Variants in ING5 observed in about 807,000 individuals in gnomAD.
ING5 encodes the protein inhibitor of growth family member 5.
A neutral mutation model predicts 37.4 loss-of-function variants in ING5; 17 were observed. That is an observed-to-expected ratio of 0.45 (90% CI 0.31 to 0.68). The LOEUF (loss-of-function observed/expected upper bound fraction) is 0.68, where lower values mean the gene tolerates loss of function less well. Ranked by LOEUF, ING5 falls within the 30% of genes least tolerant of loss-of-function variation. The pLI is 0.05. For synonymous variants in ING5, 123 were observed against 116.6 expected, an observed-to-expected ratio of 1.06 and a Z score of -0.36; for missense variants, 233 against 311.9, an observed-to-expected ratio of 0.75 and a Z score of 1.91.
At chr2:241,719,511 C>T in intron 5 of ING5, 5 of 1,528,618 alleles carry the variant, frequency 3.3e-6, no homozygotes, top group Non-Finnish European at 4.4e-6. Flanking sequence ...TCTTCCTGCT[C>T]CTTCCTGCTC....
At position 241,725,083 on chromosome 2, in the gene ING5, G is replaced by A. The variant is rs767978279; in HGVS notation, c.*52G>A. 75 of 1,577,922 alleles carry A rather than the reference G, an allele frequency of 4.8e-5. No individual in the cohort carries two copies. The highest frequency in any genetic ancestry group is 1.7e-5 in the Admixed American group (1 of 59,940). On this transcript the variant is annotated 3_prime_UTR_variant, in exon 8 of 8. Coordinates refer to ENST00000313552, the MANE Select transcript of ING5 (RefSeq NM_032329.6). ...AGCAAGTTAATCTGTCCCTTCATTCGTGTCGCAATATTTCCCTTCCTTTTA... is the reference window on the plus strand; with the variant it reads ...AGCAAGTTAATCTGTCCCTTCATTCATGTCGCAATATTTCCCTTCCTTTTA...
chr2:241,722,489 G>T, intron 5 of ING5: 1 of 985,408 alleles, frequency 1.0e-6, no homozygotes, highest in Non-Finnish European at 1.2e-6. Context: ...AGGTGGGCGC[G>T]AGGTCTCCAC....
intron 1 of ING5, among the ~76,000 whole-genome samples, chr2:241,703,916 A>G (rs191071368): frequency 3.2e-4 from 48 of 152,314 alleles, no homozygotes; most frequent in Non-Finnish European, 5.1e-4. Context: ...GAGAGAGGAA[A>G]CATTTCTATC....
In ING5 at chr2:241,719,369, C is replaced by T. The variant is rs1234976686; in HGVS notation, c.483-3570C>T. 1.0e-5 allele frequency: 7 copies of T among 671,826 alleles called. No individual in the cohort carries two copies. In the Admixed American group the frequency reaches 1.5e-4, roughly 15 times the overall value. The allele number at this position is 671,826 out of a possible 1,614,324, so 41.6% of individuals were successfully genotyped here. ...GCAGGCGGACGCCGCCCCCAACCCCCCAACACCCCCCACTCTGGCTGCAGG... is the reference window on the plus strand; with the variant it reads ...GCAGGCGGACGCCGCCCCCAACCCCTCAACACCCCCCACTCTGGCTGCAGG... On this transcript the variant is annotated intron_variant, in intron 5 of 7. Coordinates refer to ENST00000313552, the MANE Select transcript of ING5 (RefSeq NM_032329.6).
At chr2:241,695,719 CA>C (rs1448931131) in intron 2 of ING5, among the ~76,000 whole-genome samples, 1 of 152,038 alleles carries the variant, frequency 6.6e-6, no homozygotes, top group African/African-American at 2.4e-5. Flanking sequence ...ACTAAGTTTT[CA>C]GGGGTCTGTA....
chr2:241,702,199 C>A, intron 1 of ING5, 97 bp downstream of exon 1: 1 of 584,316 alleles, frequency 1.7e-6, no homozygotes, highest in Non-Finnish European at 2.2e-6. Flanking sequence ...ACCCCGTGGG[C>A]TCGGGAGGGC....
chr2:241,723,274 G>A lies in ING5; in HGVS notation c.680+3G>A, dbSNP rs780618927. 13 of 1,613,948 alleles carry A rather than the reference G, an allele frequency of 8.1e-6. 1 individual carries two copies. Among genetic ancestry groups the A allele is most frequent in the South Asian group, 5.5e-5 (5 of 91,070 alleles). On this transcript the variant is annotated splice_donor_region_variant and intron_variant, in intron 7 of 7. Coordinates refer to ENST00000313552, the MANE Select transcript of ING5 (RefSeq NM_032329.6). ...ACCACGAAACCCAAAGGAAAATGGT[G>A]AGTGTGGGGACGCTCGCTCTGTTTT...
In ING5 at chr2:241,709,314, A is replaced by G; in HGVS notation, c.208A>G (p.Asn70Asp). The G allele has an allele frequency of 6.2e-7, 1 of 1,614,184 alleles. No individual in the cohort carries two copies. The highest frequency in any genetic ancestry group is 1.1e-5 in the South Asian group (1 of 91,084). ...CGTGGAGCGCCTGCAGAAGATCCAG[A>G]ACGCCTACAGCAAGTGCAAGGAATA... ...QRVERLQKIQNAYSKCKEYSD... is the reference protein window; with the variant it reads ...QRVERLQKIQDAYSKCKEYSD... Residue 70 changes from asparagine (N) to aspartate (D), a missense_variant, in exon 3 of 8, where the codon AAC becomes GAC. Coordinates refer to ENST00000313552, the MANE Select transcript of ING5 (RefSeq NM_032329.6).
At chr2:241,701,973 AC>A (rs904889299), upstream of ING5, 269 of 853,056 alleles carry the variant, frequency 3.2e-4, no homozygotes, top group East Asian at 5.0e-4. Context: ...AGCGCGCGCG[AC>A]TCATGAATAG....
intron 1 of ING5, among the ~76,000 whole-genome samples, chr2:241,703,692 A>G (rs2069813750): frequency 1.3e-5 from 2 of 151,790 alleles, no homozygotes; most frequent in South Asian, 4.1e-4. Flanking sequence ...TGCAACCTCC[A>G]CCTCCCAGGT....
At chr2:241,706,099 G>T (rs1396367301) in intron 2 of ING5, among the ~76,000 whole-genome samples, 3 of 152,144 alleles carry the variant, frequency 2.0e-5, no homozygotes, top group African/African-American at 7.2e-5. Context: ...TGTCTACCCT[G>T]ACAGTTCTGT....
At chr2:241,706,980 A>T (rs1429688271) in intron 2 of ING5, among the ~76,000 whole-genome samples, 171 of 109,930 alleles carry the variant, frequency 1.6e-3, no homozygotes, top group Non-Finnish European at 2.3e-3. Context: ...TTTTTTTGAG[A>T]TGGAGTTTCA....
chr2:241,693,782 C>T (rs374510922), intron 2 of ING5, among the ~76,000 whole-genome samples: 5 of 150,632 alleles, frequency 3.3e-5, no homozygotes, highest in South Asian at 2.1e-4. Context: ...CTCAGCCTCC[C>T]GAGTAGCTGG....
chr2:241,701,406 CCA>C (rs1375133083), upstream of ING5, among the ~76,000 whole-genome samples: 2 of 152,244 alleles, frequency 1.3e-5, no homozygotes, highest in African/African-American at 4.8e-5. Flanking sequence ...AGCAAAGGAG[CCA>C]GTGCCCTCAC....
exon 2 of ING5, chr2:241,690,452 G>C (rs535624991): frequency 2.5e-6 from 1 of 393,712 alleles, no homozygotes. Flanking sequence ...CAGTTCTCTT[G>C]GTGTTCCTGC....
rs772819503 is a variant in ING5 at position 241,722,362 on chromosome 2, G to A, written c.483-577G>A. 17 of 985,368 alleles carry A rather than the reference G, an allele frequency of 1.7e-5. No individual in the cohort carries two copies. The East Asian group carries it at 4.5e-4, about 26-fold the overall frequency. 61.0% of individuals were successfully genotyped at this position (985,368 alleles called of 1,614,324 possible). A position where few individuals can be genotyped will look rare whatever the true frequency, so the allele number is the denominator to read the frequency against. On this transcript the variant is annotated intron_variant, in intron 5 of 7. Coordinates refer to ENST00000313552, the MANE Select transcript of ING5 (RefSeq NM_032329.6). The stretch of plus-strand genomic sequence containing the variant: ...GGAGTCCTGTCTGGGAGGAGGGACC[G>A]AGATGAGAGTGGACTCGTCCCCAGA...
At chr2:241,709,430 G>A (rs1226216957) in intron 3 of ING5, 48 bp downstream of exon 3, 2 of 1,528,800 alleles carry the variant, frequency 1.3e-6, no homozygotes, top group African/African-American at 1.4e-5. Flanking sequence ...CTCTACTCCT[G>A]CCTCTCATGC....
At chr2:241,715,170 G>A (rs184451286) in intron 5 of ING5, among the ~76,000 whole-genome samples, 12 of 151,772 alleles carry the variant, frequency 7.9e-5, no homozygotes, top group African/African-American at 2.2e-4. Context: ...TTTTTATTTC[G>A]TTTACCTATT....
At chr2:241,709,657 A>T (rs1163029692) in intron 3 of ING5, among the ~76,000 whole-genome samples, 4 of 145,218 alleles carry the variant, frequency 2.8e-5, no homozygotes, top group Non-Finnish European at 6.0e-5. Flanking sequence ...TCCACGGTGG[A>T]GTACAGTGGT....
Sources: gnomAD v4.1 joint callset for allele counts (sites outside exome capture counted in the v4.1 genomes callset) on GRCh38, gnomAD v4.1.1 for gene constraint, MANE v1.5 for transcripts, NCBI Gene and HGNC (gene_info 2026-07-23, HGNC 2026-07-21) for gene names.